Variants in MAJIN observed in about 807,000 individuals in gnomAD.
MAJIN encodes the protein membrane-anchored junction protein.
A neutral mutation model predicts 30.2 loss-of-function variants in MAJIN; 27 were observed. That is an observed-to-expected ratio of 0.89 (90% CI 0.66 to 1.23). The LOEUF (loss-of-function observed/expected upper bound fraction) is 1.23, where lower values mean the gene tolerates loss of function less well. Ranked by LOEUF, MAJIN falls within the 50% of genes most tolerant of loss-of-function variation. The pLI, the probability that MAJIN is intolerant of heterozygous loss-of-function variation, is 0.00. For missense variants in MAJIN, 253 were observed against 260.3 expected (o/e 0.97, Z 0.19); for synonymous variants, 78 against 91.6 (o/e 0.85, Z 0.85).
intron 1 of MAJIN, among the ~76,000 whole-genome samples, chr11:64,960,565 T>C (rs1945706361): frequency 6.6e-6 from 1 of 152,226 alleles, no homozygotes; most frequent in African/African-American, 2.4e-5. Context: ...AGAATTGATA[T>C]TCTTTAACCA....
rs910991105 is a variant in MAJIN, at chr11:64,961,411, C to T, written c.-64-1276G>A. Among the ~76,000 whole-genome samples the T allele has an allele frequency of 1.3e-4, 19 of 151,180 alleles. 1 individual carries two copies. Among genetic ancestry groups the T allele is most frequent in the African/African-American group, 4.1e-4 (17 of 41,070 alleles). Reference sequence around the variant, plus strand: ...TGAAGTCCTGACCTCAGGTGATCTGCCTGCTTCGTCCTCCCAAAGTGCTGG... The same window carrying T: ...TGAAGTCCTGACCTCAGGTGATCTGTCTGCTTCGTCCTCCCAAAGTGCTGG... On this transcript the variant is annotated intron_variant, in intron 1 of 10. Transcript: ENST00000301896.
chr11:64,939,681 C>A lies in MAJIN; in HGVS notation c.633G>T (p.Pro211=). 1.9e-6 allele frequency: 3 copies of A among 1,613,956 alleles called. No homozygotes were observed. The highest frequency in any genetic ancestry group is 2.5e-6 in the Non-Finnish European group (3 of 1,179,928). Residue 211 remains proline (P), a synonymous_variant, in exon 10 of 11, where the codon CCG becomes CCT. Transcript: ENST00000301896. ...TCTTACCTTAGAAACCCAAAGAAGCCGGTGGCTGCTCGCTCCTTAGGTGGA... is the reference window on the plus strand; with the variant it reads ...TCTTACCTTAGAAACCCAAAGAAGCAGGTGGCTGCTCGCTCCTTAGGTGGA... ...THLHLRSEQP[P]ASLGF
chr11:64,954,871 G>C (rs372153348), intron 3 of MAJIN, 69 bp from the exon 4 acceptor site: 116 of 1,367,748 alleles, frequency 8.5e-5, no homozygotes, highest in Non-Finnish European at 1.1e-4. Context: ...GACTCTACTA[G>C]GGCAAAAATA....
At position 64,950,421 on chromosome 11, in the gene MAJIN, G is replaced by A. The variant is rs377370396; in HGVS notation, c.157C>T (p.Arg53Cys). The A allele has an allele frequency of 2.0e-5, 33 of 1,612,966 alleles. No homozygotes were observed. Among genetic ancestry groups the A allele is most frequent in the Middle Eastern group, 3.3e-4 (2 of 6,072 alleles). ...TTGTCCAAGTTTCCCAAGACCACGC[G>A]GACAGAATCCTGAAAAACATATTTG... The part of the protein sequence containing the change: ...VITQELEDSV[R>C]VVLGNLDNLQ... Residue 53 changes from arginine to cysteine, a missense_variant, in exon 5 of 11, where the codon CGC (arginine) becomes TGC (cysteine). Arg to Cys is a radical substitution (Grantham distance 180). Coordinates refer to ENST00000301896, the MANE Select transcript of MAJIN (RefSeq NM_001037225.3).
intron 1 of MAJIN, among the ~76,000 whole-genome samples, chr11:64,965,969 AAAG>A (rs1276323839): frequency 6.6e-6 from 1 of 151,436 alleles, no homozygotes; most frequent in Non-Finnish European, 1.5e-5. Context: ...AAAAAAAAAA[AAAG>A]AATTCACATC....
intron 1 of MAJIN, among the ~76,000 whole-genome samples, chr11:64,963,656 G>A (rs1208463985): frequency 6.6e-6 from 1 of 152,084 alleles, no homozygotes; most frequent in Non-Finnish European, 1.5e-5. Flanking sequence ...TGGCCAACAT[G>A]GTGAAACCCT....
intron 8 of MAJIN, chr11:64,946,007 G>T: frequency 7.5e-7 from 1 of 1,331,512 alleles, no homozygotes; most frequent in South Asian, 1.5e-5. Context: ...CTGGTAACCG[G>T]AATCCTGACT....
intron 6 of MAJIN, among the ~76,000 whole-genome samples, chr11:64,948,637 ATATTTTTTTTTT>A (rs1565127315): frequency 3.0e-5 from 1 of 33,652 alleles, no homozygotes; most frequent in African/African-American, 2.2e-4. Context: ...ATATATATAT[ATATTTTTTTTTT>A]TTTTTTTTTT....
intron 9 of MAJIN, 125 bp downstream of exon 9, chr11:64,940,449 G>A (rs1945356781): frequency 1.1e-5 from 10 of 915,764 alleles, no homozygotes; most frequent in East Asian, 2.5e-5. Context: ...GCACCTCCAC[G>A]GGAGCAAGGC....
intron 10 of MAJIN, among the ~76,000 whole-genome samples, chr11:64,939,055 CA>C (rs1247960337): frequency 6.6e-6 from 1 of 152,112 alleles, no homozygotes; most frequent in Non-Finnish European, 1.5e-5. Context: ...TCAGCACCCC[CA>C]GTAGCTGGGA....
intron 4 of MAJIN, 29 bp from the exon 5 acceptor site, chr11:64,950,459 C>T (rs1331104887): frequency 3.2e-6 from 5 of 1,582,702 alleles, no homozygotes; most frequent in Non-Finnish European, 4.3e-6. Flanking sequence ...ATGACTTTAA[C>T]ACTGTTGAGT....
Position 64,947,393 on chromosome 11 carries a change from T to C in MAJIN, c.454A>G (p.Ser152Gly). ...ACTGACCTGTCCAGCCCTGGCCTGC[T>C]GGGGGAGCTGGGCTCGTCCATGTGT... is the stretch of plus-strand genomic sequence containing the variant. Reference protein sequence around the residue: ...RKHMDEPSSPSRPGLDRIGKE... With the variant: ...RKHMDEPSSPGRPGLDRIGKE... The change falls in exon 8 of 11, where the codon AGC becomes GGC. Residue 152 changes from serine (S) to glycine (G), a missense_variant. By Grantham distance (56) the Ser-to-Gly change is moderately conservative. Coordinates refer to ENST00000301896, the MANE Select transcript of MAJIN (RefSeq NM_001037225.3). 1.2e-6 allele frequency: 2 copies of C among 1,613,630 alleles called. No individual in the cohort carries two copies. Among genetic ancestry groups the C allele is most frequent in the Non-Finnish European group, 1.7e-6 (2 of 1,180,014 alleles).
At position 64,959,157 on chromosome 11, in the gene MAJIN, G is replaced by T; in HGVS notation, c.101+148C>A. 2.0e-4 allele frequency: 91 copies of T among 451,910 alleles called. No homozygotes were observed. In the Middle Eastern group the frequency reaches 2.2e-3, roughly 11 times the overall value. The allele number at this position is 451,910 out of a possible 1,614,324, so 28.0% of individuals were successfully genotyped here. A position where few individuals can be genotyped will look rare whatever the true frequency, so the allele number is the denominator to read the frequency against. ...AACTCATATGAATAATATATATACT[G>T]AATATAAAATTCCTGGGAAAGACAG... On this transcript the variant is annotated intron_variant, in intron 3 of 10. Transcript: ENST00000301896.
chr11:64,939,617 T>A, intron 10 of MAJIN, 45 bp downstream of exon 10: 1 of 1,553,426 alleles, frequency 6.4e-7, no homozygotes, highest in South Asian at 1.1e-5. Context: ...AATGAGCCGC[T>A]CTGAGCTGGA....
At chr11:64,946,161 G>C in intron 8 of MAJIN, 2 of 1,533,266 alleles carry the variant, frequency 1.3e-6, no homozygotes, top group Non-Finnish European at 1.7e-6. Flanking sequence ...GCCCTGAGGT[G>C]GGGGGAAAAT....
chr11:64,954,803 C>T lies in MAJIN; in HGVS notation c.102-1G>A. 1.2e-6 allele frequency: 2 copies of T among 1,609,002 alleles called. No homozygotes were observed. Among genetic ancestry groups the T allele is most frequent in the Non-Finnish European group, 1.7e-6 (2 of 1,178,024 alleles). ...TTCCTTATTTTCTATCTCTTCTCCTCTAGAAGGTAAACAGACAAGAGACAA... is the reference window on the plus strand; with the variant it reads ...TTCCTTATTTTCTATCTCTTCTCCTTTAGAAGGTAAACAGACAAGAGACAA... On this transcript the variant is annotated splice_acceptor_variant, in intron 3 of 10. Transcript: ENST00000301896. LOFTEE classifies it high-confidence loss of function.
intron 8 of MAJIN, among the ~76,000 whole-genome samples, chr11:64,941,090 G>A (rs1370301127): frequency 1.3e-5 from 2 of 151,672 alleles, no homozygotes; most frequent in Non-Finnish European, 2.9e-5. Flanking sequence ...TGCCTGCCTC[G>A]GCCTCCCAAA....
Position 64,947,393 on chromosome 11 carries a change from TG to T in MAJIN, c.453del (p.Ser152AlafsTer8), listed in dbSNP as rs1945467133. 5 of 1,613,622 alleles carry T rather than the reference TG, an allele frequency of 3.1e-6. No individual in the cohort carries two copies. The highest frequency in any genetic ancestry group is 3.4e-6 in the Non-Finnish European group (4 of 1,180,014). On this transcript the variant is annotated frameshift_variant, in exon 8 of 11. Transcript: ENST00000301896. LOFTEE classifies it high-confidence loss of function. The part of the protein sequence containing the change: ...KRKHMDEPSS[P>X]SRPGLDRIGK... ...ACTGACCTGTCCAGCCCTGGCCTGC[TG>T]GGGGAGCTGGGCTCGTCCATGTGTT...
Position 64,970,361 on chromosome 11 carries a change from C to CTTTTTT in MAJIN, c.-65+1510_-65+1515dup, listed in dbSNP as rs1196525730. Among the ~76,000 whole-genome samples, 65 of 66,046 alleles carry CTTTTTT rather than the reference C, an allele frequency of 9.8e-4. 1 individual carries two copies. Among genetic ancestry groups the CTTTTTT allele is most frequent in the African/African-American group, 1.6e-3 (28 of 17,718 alleles). The allele number at this position is 66,046 out of a possible 152,430, so 43.3% of individuals were successfully genotyped here. ...CTGGGGGACAAGAGCAAGACTCCGT[C>CTTTTTT]TTTTTTTTTTTTTTTTTTTTTTTGA... On this transcript the variant is annotated intron_variant, in intron 1 of 10. Transcript: ENST00000301896.
Sources: allele counts gnomAD v4.1 joint callset (sites outside exome capture counted in the v4.1 genomes callset), GRCh38; gene constraint gnomAD v4.1.1; transcripts MANE v1.5; gene names NCBI Gene and HGNC (gene_info 2026-07-23, HGNC 2026-07-21).